Variants in CLDN14 observed in about 807,000 individuals in gnomAD.
The protein encoded by CLDN14 is claudin-14.
Under a neutral mutation model 2.1 loss-of-function variants are expected in CLDN14, and 2 were observed. The observed-to-expected ratio is 0.96, with a 90% CI of 0.39 to 3.01. The LOEUF (loss-of-function observed/expected upper bound fraction) is 3.01. Ranked by LOEUF, CLDN14 falls within the 30% of genes most tolerant of loss-of-function variation. The pLI is 0.09. For synonymous variants in CLDN14, 136 were observed against 154.4 expected (o/e 0.88, Z 0.88); for missense variants, 298 against 328.0 (o/e 0.91, Z 0.71).
At chr21:36,467,160 A>G (rs1213071870) in intron 1 of CLDN14, among the ~76,000 whole-genome samples, 1 of 152,152 alleles carries the variant, frequency 6.6e-6, no homozygotes, top group East Asian at 1.9e-4. Flanking sequence ...GTGTCCATAT[A>G]AACTTTTATG....
chr21:36,540,814 C>T (rs543426646), intron 1 of CLDN14, among the ~76,000 whole-genome samples: 7 of 152,272 alleles, frequency 4.6e-5, no homozygotes, highest in African/African-American at 1.7e-4. Flanking sequence ...GAGGAGGCCA[C>T]AGAATTGTTG....
At chr21:36,531,741 T>C (rs1252669039) in intron 1 of CLDN14, among the ~76,000 whole-genome samples, 1 of 151,702 alleles carries the variant, frequency 6.6e-6, no homozygotes, top group Admixed American at 6.6e-5. Context: ...ATTATCTATG[T>C]AATTAAAATA....
At chr21:36,490,474 C>T (rs947665890) in intron 2 of CLDN14, among the ~76,000 whole-genome samples, 4 of 149,470 alleles carry the variant, frequency 2.7e-5, no homozygotes, top group Non-Finnish European at 5.9e-5. Context: ...CTGCAACCTC[C>T]ACCTCCTGGG....
intron 1 of CLDN14, among the ~76,000 whole-genome samples, chr21:36,547,733 C>T (rs1446901502): frequency 6.6e-6 from 1 of 152,190 alleles, no homozygotes; most frequent in Non-Finnish European, 1.5e-5. Context: ...TGGGAGCCGC[C>T]TGCAGCCTGG....
intron 2 of CLDN14, among the ~76,000 whole-genome samples, chr21:36,497,472 G>A (rs79043484): frequency 0.035 from 5,258 of 149,680 alleles, 288 homozygotes; most frequent in African/African-American, 0.12. Context: ...TTTCCAACAG[G>A]AAGGGGCTCA....
At chr21:36,479,068 C>T (rs2086813102) in intron 1 of CLDN14, among the ~76,000 whole-genome samples, 1 of 152,152 alleles carries the variant, frequency 6.6e-6, no homozygotes, top group Admixed American at 6.5e-5. Flanking sequence ...AAACTCGGAA[C>T]AGTCTGCCTG....
chr21:36,497,431 C>T (rs1197472630), intron 2 of CLDN14, among the ~76,000 whole-genome samples: 3 of 118,092 alleles, frequency 2.5e-5, no homozygotes, highest in African/African-American at 9.8e-5. Context: ...GGGAGGCAGG[C>T]GGCAGGCACA....
At position 36,471,079 on chromosome 21, in the gene CLDN14, T is replaced by C. The variant is rs77075163; in HGVS notation, c.-82+8416A>G. Among the ~76,000 whole-genome samples, 713 of 152,252 alleles carry C rather than the reference T, an allele frequency of 4.7e-3. 14 individuals are homozygous for C. The East Asian group carries it at 0.068, about 15-fold the overall frequency. On this transcript the variant is annotated intron_variant, in intron 1 of 1. Transcript: ENST00000399135. ...CTGGTGGCTTCACATTTGTCATTGA[T>C]AAAAACAGGCCAGGTGCAGTGGCTC...
intron 2 of CLDN14, among the ~76,000 whole-genome samples, chr21:36,490,727 G>A (rs2086953653): frequency 1.3e-5 from 2 of 151,990 alleles, no homozygotes; most frequent in South Asian, 4.2e-4. Context: ...TAGAGATGGG[G>A]TCTCTCTATG....
At chr21:36,539,744 G>A (rs12626551) in intron 1 of CLDN14, among the ~76,000 whole-genome samples, 34,286 of 150,080 alleles carry the variant, frequency 0.23, 4,041 homozygotes, top group Non-Finnish European at 0.24. Context: ...GTATGTGTGC[G>A]GAGTGAGTAT....
chr21:36,463,480 G>A (rs544091109), intron 1 of CLDN14, among the ~76,000 whole-genome samples: 1 of 152,338 alleles, frequency 6.6e-6, no homozygotes, highest in African/African-American at 2.4e-5. Context: ...GGGAGGCTAA[G>A]GCGGGTGGAT....
rs8133272 is a variant in CLDN14 at position 36,509,719 on chromosome 21, C to T, written c.-82+644G>A. 6.6e-3 allele frequency among the ~76,000 whole-genome samples: 1,011 copies of T among 152,234 alleles called. 9 individuals carry two copies. The highest frequency in any genetic ancestry group is 0.023 in the African/African-American group (972 of 41,514). Reference sequence around the variant, plus strand: ...CAAGTGATTCTAATGCGTCAGCCTCCCGAGTAGCTGGGACTACAGGCACAC... The same window carrying T: ...CAAGTGATTCTAATGCGTCAGCCTCTCGAGTAGCTGGGACTACAGGCACAC... On this transcript the variant is annotated intron_variant, in intron 2 of 2. Transcript: ENST00000342108.
intron 1 of CLDN14, among the ~76,000 whole-genome samples, chr21:36,462,926 A>G (rs1335126384): frequency 2.1e-5 from 3 of 143,370 alleles, no homozygotes; most frequent in African/African-American, 5.6e-5. Context: ...TCAAAAAAAC[A>G]AAACAAGCAA....
rs2087204045 is a variant in CLDN14, at chr21:36,513,877, G to A, written c.-219-3377C>T. Among the ~76,000 whole-genome samples the A allele has an allele frequency of 2.6e-5, 4 of 152,158 alleles. No individual in the cohort carries two copies. The South Asian group carries it at 8.3e-4, about 32-fold the overall frequency. On this transcript the variant is annotated intron_variant, in intron 1 of 2. Transcript: ENST00000342108. ...AACAGGGTCTAACTTTTTCGCTCAG[G>A]CTGGGGTGCAGTGGCACGACCTCCG... is the stretch of plus-strand genomic sequence containing the variant.
intron 2 of CLDN14, among the ~76,000 whole-genome samples, chr21:36,493,075 A>T (rs2086984539): frequency 6.6e-6 from 1 of 152,140 alleles, no homozygotes; most frequent in East Asian, 1.9e-4. Context: ...GACAGAACCA[A>T]CCCTGAGAGG....
In CLDN14 at chr21:36,551,068, C is replaced by A. The variant is rs2087560517; in HGVS notation, c.-220+25343G>T. 6.6e-6 allele frequency among the ~76,000 whole-genome samples: 1 copy of A among 152,192 alleles called. No individual in the cohort carries two copies. Among genetic ancestry groups the A allele is most frequent in the African/African-American group, 2.4e-5 (1 of 41,462 alleles). ...GAGCCAAGGCCAAGGAATGGTGTGG[C>A]CAGCCGGCAGCCACCAGAGTGGGGA... On this transcript the variant is annotated intron_variant, in intron 1 of 2. Coordinates refer to the CLDN14 transcript ENST00000342108. This position sits in a 1 kb window ranked among gnomAD's most constrained non-coding sequence, Gnocchi z 4.8.
intron 1 of CLDN14, among the ~76,000 whole-genome samples, chr21:36,461,987 G>A (rs913747147): frequency 5.3e-5 from 8 of 152,208 alleles, no homozygotes; most frequent in African/African-American, 1.9e-4. Context: ...ACAGCCGGAC[G>A]CTGGCCTCAG....
At chr21:36,574,474 A>T (rs1022986305) in intron 1 of CLDN14, among the ~76,000 whole-genome samples, 3 of 152,248 alleles carry the variant, frequency 2.0e-5, no homozygotes, top group Non-Finnish European at 4.4e-5. Flanking sequence ...GCATAGTTTG[A>T]TCAATTCATA....
intron 1 of CLDN14, among the ~76,000 whole-genome samples, chr21:36,540,818 ATTG>A (rs1205303741): frequency 1.3e-5 from 2 of 152,220 alleles, no homozygotes; most frequent in African/African-American, 4.8e-5. Context: ...AGGCCACAGA[ATTG>A]TTGTAAGCAG....
Sources: gnomAD v4.1 joint callset for allele counts (sites outside exome capture counted in the v4.1 genomes callset) on GRCh38, gnomAD v4.1.1 for gene constraint, Gnocchi (gnomAD v3.1) non-coding constraint, MANE v1.5 for transcripts, NCBI Gene and HGNC (gene_info 2026-07-23, HGNC 2026-07-21) for gene names.